The following UBR3 variants were observed in gnomAD, a reference collection of about 807,000 sequenced individuals.
UBR3 encodes ubiquitin protein ligase E3 component n-recognin 3.
Under a neutral mutation model 243.2 loss-of-function variants are expected in UBR3, and 85 were observed. The ratio of observed to expected loss-of-function variants is 0.35; its 90% CI spans 0.29 to 0.42. UBR3 has a LOEUF of 0.42. Among genes scored for constraint, UBR3 ranks in the 10% least tolerant of loss-of-function variants. The pLI, the probability that UBR3 is intolerant of heterozygous loss-of-function variation, is 1.00. For missense variants in UBR3, 1,686 were observed against 2,300.8 expected (o/e 0.73, Z 5.47); for synonymous variants, 748 against 799.8 (o/e 0.94, Z 1.09).
At position 170,035,911 on chromosome 2, in the gene UBR3, G is replaced by GGC. The variant is rs2090815820; in HGVS notation, c.4557-4970_4557-4969insCG. Among the ~76,000 whole-genome samples the GGC allele has an allele frequency of 4.3e-4, 8 of 18,494 alleles. 1 individual carries two copies. In the South Asian group the frequency reaches 7.5e-3, roughly 17 times the overall value. 12.1% of individuals were successfully genotyped at this position (18,494 alleles called of 152,430 possible). On this transcript the variant is annotated intron_variant, in intron 31 of 38. Transcript: ENST00000272793. ...TAGATTTATACCTAAGTATTTTATT[G>GGC]GGGGGGGGGTTGCTAATTTAAATGA... is the stretch of plus-strand genomic sequence containing the variant.
intron 9 of UBR3, among the ~76,000 whole-genome samples, 164 bp downstream of exon 9, chr2:169,905,457 A>G (rs948745812): frequency 9.9e-5 from 15 of 152,264 alleles, no homozygotes; most frequent in African/African-American, 3.4e-4. Flanking sequence ...TTCATAAAAC[A>G]TACCAAGGAG....
intron 32 of UBR3, among the ~76,000 whole-genome samples, chr2:170,045,487 C>G (rs546297799): frequency 1.2e-4 from 18 of 152,140 alleles, no homozygotes; most frequent in Admixed American, 1.0e-3. Context: ...AATACAGACT[C>G]CCAAGATTCT....
At chr2:169,870,486 T>C (rs1392565413) in intron 1 of UBR3, among the ~76,000 whole-genome samples, 1 of 152,120 alleles carries the variant, frequency 6.6e-6, no homozygotes, top group African/African-American at 2.4e-5. Context: ...AATAATTTTA[T>C]ACTGTGCTTT....
intron 5 of UBR3, among the ~76,000 whole-genome samples, chr2:169,890,566 T>TATATATAC (rs1261916033): frequency 1.1e-5 from 1 of 92,206 alleles, no homozygotes; most frequent in Non-Finnish European, 2.1e-5. Flanking sequence ...TATATATATG[T>TATATATAC]GTATATATAT....
chr2:170,058,716 G>A (rs914500858), intron 33 of UBR3, among the ~76,000 whole-genome samples: 6 of 151,852 alleles, frequency 4.0e-5, no homozygotes, highest in African/African-American at 1.5e-4. Context: ...AAGTCTTGCT[G>A]TGTTGCCCAG....
At chr2:170,006,903 T>C (rs1192567314) in intron 27 of UBR3, 87 bp from the exon 28 acceptor site, 3 of 1,116,030 alleles carry the variant, frequency 2.7e-6, no homozygotes, top group Non-Finnish European at 2.6e-6. Context: ...TTCTATGGTT[T>C]ATTAATTTAC....
intron 1 of UBR3, among the ~76,000 whole-genome samples, chr2:169,850,718 C>A (rs1390800943): frequency 2.6e-5 from 4 of 152,134 alleles, no homozygotes; most frequent in Admixed American, 2.6e-4. Context: ...GTGGTGGGCG[C>A]CTGTGGTGCC....
intron 2 of UBR3, among the ~76,000 whole-genome samples, chr2:169,874,714 A>G (rs934342359): frequency 6.6e-6 from 1 of 152,208 alleles, no homozygotes; most frequent in African/African-American, 2.4e-5. Flanking sequence ...CACTGGGGAG[A>G]ATATAAAGTT....
intron 24 of UBR3, among the ~76,000 whole-genome samples, chr2:169,982,870 G>T (rs1199436450): frequency 6.6e-6 from 1 of 152,156 alleles, no homozygotes; most frequent in Admixed American, 6.5e-5. Flanking sequence ...AGACTCAGTG[G>T]TTCTGTTGTG....
At chr2:169,930,050 G>A (rs1397174639) in intron 18 of UBR3, among the ~76,000 whole-genome samples, 1 of 152,160 alleles carries the variant, frequency 6.6e-6, no homozygotes, top group Non-Finnish European at 1.5e-5. Flanking sequence ...TATTTTGTGT[G>A]TAAAATTAGA....
intron 35 of UBR3, among the ~76,000 whole-genome samples, chr2:170,073,086 A>G (rs1341276330): frequency 1.3e-5 from 2 of 152,156 alleles, no homozygotes; most frequent in Non-Finnish European, 2.9e-5. Flanking sequence ...TAAACCAGAA[A>G]TAACTTTCTC....
chr2:170,066,993 T>TAATAATAAA (rs71006067), intron 35 of UBR3, among the ~76,000 whole-genome samples: 63 of 144,274 alleles, frequency 4.4e-4, no homozygotes, highest in East Asian at 1.0e-3. Context: ...ATAATAATAA[T>TAATAATAAA]AAACTTCATT....
intron 26 of UBR3, among the ~76,000 whole-genome samples, chr2:169,996,721 T>A (rs565292277): frequency 1.7e-4 from 22 of 131,464 alleles, no homozygotes; most frequent in African/African-American, 6.0e-4. Context: ...TTAGATAGAG[T>A]CTCACTCCAT....
intron 24 of UBR3, among the ~76,000 whole-genome samples, chr2:169,960,263 A>G (rs1039469341): frequency 3.3e-5 from 5 of 149,836 alleles, no homozygotes; most frequent in Non-Finnish European, 7.4e-5. Flanking sequence ...AAAAGATTGT[A>G]TAAAATCACC....
chr2:170,023,839 G>A (rs970341871), intron 30 of UBR3, among the ~76,000 whole-genome samples: 1 of 152,052 alleles, frequency 6.6e-6, no homozygotes, highest in Non-Finnish European at 1.5e-5. Context: ...GCCTCCCAAA[G>A]TGCTGGGATT....
At chr2:169,985,224 CTTTTTTTTTTT>C in intron 24 of UBR3, among the ~76,000 whole-genome samples, 1 of 113,106 alleles carries the variant, frequency 8.8e-6, no homozygotes, top group East Asian at 2.4e-4. Context: ...CAACTCTTTT[CTTTTTTTTTTT>C]TTTTTTTTCT....
At chr2:170,007,300 A>C in intron 28 of UBR3, 110 bp downstream of exon 28, 1 of 1,221,032 alleles carries the variant, frequency 8.2e-7, no homozygotes, top group Non-Finnish European at 1.1e-6. Context: ...TTTAGTAGAA[A>C]TTGCTTTTAG....
In UBR3 at chr2:170,061,461, T is replaced by C. The variant is rs772948720; in HGVS notation, c.5019+18T>C. The C allele has an allele frequency of 1.4e-5, 22 of 1,555,224 alleles. No homozygotes were observed. Among genetic ancestry groups the C allele is most frequent in the Admixed American group, 2.0e-5 (1 of 50,546 alleles). ...GCTGCCAGGTAGATAATTTGGGATA[T>C]GTAAGAGGGAGCTTTTTTTTTTTTC... On this transcript the variant is annotated intron_variant, in intron 35 of 38. Transcript: ENST00000272793.
intron 17 of UBR3, 31 bp downstream of exon 17, chr2:169,927,436 T>A: frequency 7.0e-7 from 1 of 1,432,030 alleles, no homozygotes; most frequent in Non-Finnish European, 9.4e-7. Context: ...TTTCTGTTAG[T>A]TGCAGGATCT....
Sources: gnomAD v4.1 joint callset for allele counts (sites outside exome capture counted in the v4.1 genomes callset) on GRCh38, gnomAD v4.1.1 for gene constraint, MANE v1.5 for transcripts, NCBI Gene and HGNC (gene_info 2026-07-23, HGNC 2026-07-21) for gene names.